The following CFAP53 variants were observed in gnomAD, a reference collection of about 807,000 sequenced individuals.
CFAP53 encodes cilia- and flagella-associated protein 53.
CFAP53 carries 62 observed loss-of-function variants against 59.7 expected under a neutral mutation model. The ratio of observed to expected loss-of-function variants is 1.04; its 90% CI spans 0.85 to 1.28. The LOEUF (loss-of-function observed/expected upper bound fraction) is 1.28, where lower values mean the gene tolerates loss of function less well. CFAP53 is among the 50% of genes most tolerant of loss of function. The pLI is 0.00. For missense variants in CFAP53, 629 were observed against 615.6 expected, an observed-to-expected ratio of 1.02 and a Z score of -0.23; for synonymous variants, 218 against 205.7, an observed-to-expected ratio of 1.06 and a Z score of -0.51.
intron 7 of CFAP53, among the ~76,000 whole-genome samples, chr18:50,228,163 T>C (rs1291291353): frequency 6.6e-6 from 1 of 151,882 alleles, no homozygotes; most frequent in Non-Finnish European, 1.5e-5. Context: ...TTCATCATTT[T>C]GGCCAGGCTG....
intron 6 of CFAP53, among the ~76,000 whole-genome samples, chr18:50,239,647 T>C (rs1410275574): frequency 6.6e-6 from 1 of 152,180 alleles, no homozygotes; most frequent in Non-Finnish European, 1.5e-5. Context: ...GTAAAATAAG[T>C]TACGGTCTGT....
At chr18:50,239,075 A>C (rs1242435731) in intron 6 of CFAP53, among the ~76,000 whole-genome samples, 2 of 148,456 alleles carry the variant, frequency 1.3e-5, no homozygotes, top group Non-Finnish European at 3.0e-5. Flanking sequence ...TTTATTATAA[A>C]ATAAATATTA....
In CFAP53 at chr18:50,259,770, G is replaced by A. The variant is rs563097604; in HGVS notation, c.473+1294C>T. ...TTTTGTGGAAATAAGGTCCCACTAT[G>A]TTGCCCAGGCTGGTCTCAAACTCCT... On this transcript the variant is annotated intron_variant, in intron 3 of 7. Coordinates refer to ENST00000398545, the MANE Select transcript of CFAP53 (RefSeq NM_145020.5). Among the ~76,000 whole-genome samples, 36 of 152,214 alleles carry A rather than the reference G, an allele frequency of 2.4e-4. No homozygotes were observed. In the East Asian group the frequency reaches 5.2e-3, roughly 22 times the overall value.
At chr18:50,241,465 G>A (rs1313401608) in intron 6 of CFAP53, among the ~76,000 whole-genome samples, 2 of 152,156 alleles carry the variant, frequency 1.3e-5, no homozygotes, top group Non-Finnish European at 2.9e-5. Context: ...GAGCATCATA[G>A]GCAGAGACAA....
intron 6 of CFAP53, among the ~76,000 whole-genome samples, chr18:50,240,982 C>T (rs2033684917): frequency 6.6e-6 from 1 of 152,172 alleles, no homozygotes; most frequent in Non-Finnish European, 1.5e-5. Flanking sequence ...GCTGAGGGAA[C>T]ATAGTGGCAT....
intron 3 of CFAP53, among the ~76,000 whole-genome samples, chr18:50,254,176 G>GT (rs1429140728): frequency 1.0e-4 from 15 of 149,176 alleles, no homozygotes; most frequent in African/African-American, 3.5e-4. Context: ...AAAAAACCAC[G>GT]TATCGGACAA....
At chr18:50,257,385 GAA>G (rs1245834066) in intron 3 of CFAP53, among the ~76,000 whole-genome samples, 2 of 152,128 alleles carry the variant, frequency 1.3e-5, no homozygotes, top group African/African-American at 4.8e-5. Flanking sequence ...GACTCCACAA[GAA>G]AAGTCTTAGA....
In CFAP53 at chr18:50,266,422, G is replaced by A; in HGVS notation, c.-18C>T. ...CTGTACATTTTCGAGTCCCCTTCGG[G>A]ACGGGGGCGGCGTCCGCCGCGTTTC... On this transcript the variant is annotated 5_prime_UTR_variant, in exon 1 of 8. Coordinates refer to ENST00000398545, the MANE Select transcript of CFAP53 (RefSeq NM_145020.5). The A allele has an allele frequency of 6.2e-7, 1 of 1,613,848 alleles. No homozygotes were observed. Among genetic ancestry groups the A allele is most frequent in the Non-Finnish European group, 8.5e-7 (1 of 1,179,672 alleles).
In CFAP53 at chr18:50,252,905, A is replaced by G. The variant is rs369950324; in HGVS notation, c.474-1121T>C. Among the ~76,000 whole-genome samples the G allele has an allele frequency of 2.9e-4, 44 of 152,326 alleles. 1 individual carries two copies. In the South Asian group the frequency reaches 8.1e-3, roughly 28 times the overall value. ...CTGGCACACGCCTGTAGTCCTAGCT[A>G]CTTGGGAGACTGAGGCAAGAAGACC... On this transcript the variant is annotated intron_variant, in intron 3 of 7. Transcript: ENST00000398545.
intron 3 of CFAP53, among the ~76,000 whole-genome samples, chr18:50,258,172 C>A (rs113361212): frequency 0.022 from 3,358 of 152,262 alleles, 126 homozygotes; most frequent in African/African-American, 0.077. Context: ...AATAACAAAT[C>A]TGGAGGAATC....
chr18:50,247,418 CAG>C (rs1405753019), intron 5 of CFAP53, among the ~76,000 whole-genome samples: 3 of 152,194 alleles, frequency 2.0e-5, no homozygotes, highest in Non-Finnish European at 4.4e-5. Flanking sequence ...AACTTCAACA[CAG>C]AGTTACCGTA....
intron 7 of CFAP53, 124 bp from the exon 8 acceptor site, chr18:50,227,733 G>A (rs1444975622): frequency 2.8e-6 from 2 of 716,956 alleles, no homozygotes; most frequent in East Asian, 5.2e-5. Flanking sequence ...CAGGGTGAGT[G>A]GAGAAGAAAT....
intron 5 of CFAP53, among the ~76,000 whole-genome samples, chr18:50,245,851 T>A (rs1298236664): frequency 6.6e-6 from 1 of 151,970 alleles, no homozygotes; most frequent in Admixed American, 6.5e-5. Flanking sequence ...TTACATTTTC[T>A]CTCTCTCTTT....
chr18:50,238,515 G>A lies in CFAP53; in HGVS notation c.1316+88C>T, dbSNP rs2033658058. The A allele has an allele frequency of 7.6e-6, 6 of 786,906 alleles. No homozygotes were observed. In the South Asian group the frequency reaches 8.4e-5, roughly 11 times the overall value. The allele number at this position is 786,906 out of a possible 1,614,324, so 48.7% of individuals were successfully genotyped here. On this transcript the variant is annotated intron_variant, in intron 7 of 7. Transcript: ENST00000398545. ...AATCCTCTTTCCTCAGCCTCCCAAA[G>A]TACTGGGATTACAGGTGTGAGCCAC...
intron 6 of CFAP53, among the ~76,000 whole-genome samples, chr18:50,239,295 C>T (rs2033666307): frequency 6.6e-6 from 1 of 151,600 alleles, no homozygotes; most frequent in Non-Finnish European, 1.5e-5. Context: ...GGCTGAGGCA[C>T]AAGTGCCTAG....
At position 50,250,766 on chromosome 18, in the gene CFAP53, G is replaced by T. The variant is rs1490396929; in HGVS notation, c.988C>A (p.Gln330Lys). ...CCAAAAAAATGTCTTACTCTTTTTT[G>T]TTTCTTTTTATCTGCCTCTTCCTGT... ...DLQEEADKKK[Q>K]KREDMIREQK... The change falls in exon 5 of 8, where the codon CAA (glutamine) becomes AAA (lysine). Residue 330 changes from glutamine to lysine, a missense_variant. Physicochemically the swap from Gln to Lys is moderately conservative, Grantham distance 53. Transcript: ENST00000398545. 1.9e-6 allele frequency: 3 copies of T among 1,612,342 alleles called. No individual in the cohort carries two copies. The highest frequency in any genetic ancestry group is 3.4e-5 in the Admixed American group (2 of 59,484).
At chr18:50,245,389 A>T (rs2033734546) in intron 5 of CFAP53, among the ~76,000 whole-genome samples, 1 of 3,368 alleles carries the variant, frequency 3.0e-4, no homozygotes, top group Non-Finnish European at 7.3e-4. Context: ...ACTCCGTCTC[A>T]AAAAAAAAAA....
intron 6 of CFAP53, among the ~76,000 whole-genome samples, chr18:50,241,495 G>A (rs2033689447): frequency 6.6e-6 from 1 of 152,166 alleles, no homozygotes; most frequent in South Asian, 2.1e-4. Context: ...CAAAGGTATA[G>A]CATTGGGGGA....
intron 1 of CFAP53, among the ~76,000 whole-genome samples, chr18:50,264,590 C>T (rs1014062898): frequency 2.0e-5 from 3 of 152,222 alleles, no homozygotes; most frequent in African/African-American, 7.2e-5. Flanking sequence ...GTCCAAGTCT[C>T]ATCTGCTGGT....
Sources: allele counts gnomAD v4.1 joint callset (sites outside exome capture counted in the v4.1 genomes callset), GRCh38; gene constraint gnomAD v4.1.1; transcripts MANE v1.5; gene names NCBI Gene and HGNC (gene_info 2026-07-23, HGNC 2026-07-21).